Variants in SLC4A3 observed in about 807,000 individuals in gnomAD.
The protein encoded by SLC4A3 is solute carrier family 4 member 3.
SLC4A3 carries 47 observed loss-of-function variants against 114.2 expected under a neutral mutation model. That is an observed-to-expected ratio of 0.41 (90% CI 0.33 to 0.52). SLC4A3 has a LOEUF of 0.52. Ranked by LOEUF, SLC4A3 falls within the 20% of genes least tolerant of loss-of-function variation. The pLI is 0.21. For synonymous variants in SLC4A3, 693 were observed against 710.3 expected, an observed-to-expected ratio of 0.98 and a Z score of 0.39; for missense variants, 1,312 against 1,668.3, an observed-to-expected ratio of 0.79 and a Z score of 3.72.
Position 219,634,474 on chromosome 2 carries a change from C to T in SLC4A3, c.1616C>T (p.Ala539Val). 6.2e-7 allele frequency: 1 copy of T among 1,614,184 alleles called. No homozygotes were observed. The highest frequency in any genetic ancestry group is 8.5e-7 in the Non-Finnish European group (1 of 1,180,036). The change falls in exon 12 of 23, where the codon GCT becomes GTT. Residue 539 changes from alanine to valine, a missense_variant. Transcript: ENST00000358055. ...GCAGCCTTCGTGCGTCTGAATGAGG[C>T]TGTACTCCTGGAGTCTGTGCTTGAG... is the stretch of plus-strand genomic sequence containing the variant. ...PAAAFVRLNE[A>V]VLLESVLEVP... is the part of the protein sequence containing the mutation.
At position 219,631,772 on chromosome 2, in the gene SLC4A3, G is replaced by A. The variant is rs1464625317; in HGVS notation, c.812-196G>A. 6.6e-6 allele frequency among the ~76,000 whole-genome samples: 1 copy of A among 151,968 alleles called. No individual in the cohort carries two copies. Among genetic ancestry groups the A allele is most frequent in the Non-Finnish European group, 1.5e-5 (1 of 67,970 alleles). ...GGCCGGTGGTCCCAGGTGACCATGG[G>A]GAGGTCCTTCCCTCTTTCTGAGCTT... On this transcript the variant is annotated intron_variant, in intron 6 of 22. Coordinates refer to ENST00000358055, the MANE Select transcript of SLC4A3 (RefSeq NM_005070.4). This position sits in a 1 kb window ranked among gnomAD's most constrained non-coding sequence, Gnocchi z 6.3.
chr2:219,627,967 G>C lies in SLC4A3; in HGVS notation c.-26G>C. ...GGGTCTCGGGTCCCCTAGTGAGCGA[G>C]AGCGTCCCCAGCCGCCTACCTGGCC... On this transcript the variant is annotated 5_prime_UTR_variant, in exon 2 of 23. Coordinates refer to ENST00000358055, the MANE Select transcript of SLC4A3 (RefSeq NM_005070.4). 1 of 1,600,476 alleles carries C rather than the reference G, an allele frequency of 6.2e-7. No individual in the cohort carries two copies. The highest frequency in any genetic ancestry group is 8.5e-7 in the Non-Finnish European group (1 of 1,174,262).
intron 5 of SLC4A3, 65 bp downstream of exon 5, chr2:219,629,760 AG>A: frequency 9.5e-7 from 1 of 1,049,510 alleles, no homozygotes; most frequent in Non-Finnish European, 1.4e-6. Context: ...AGCTCCTGGC[AG>A]TCACCTCCTT....
Position 219,629,187 on chromosome 2 carries a change from G to T in SLC4A3, c.261G>T (p.Ala87=), listed in dbSNP as rs750158608. The T allele has an allele frequency of 6.2e-7, 1 of 1,609,836 alleles. No homozygotes were observed. Among genetic ancestry groups the T allele is most frequent in the Non-Finnish European group, 8.5e-7 (1 of 1,178,062 alleles). The change falls in exon 4 of 23, where the codon GCG becomes GCT. Residue 87 remains alanine (A), a synonymous_variant. Coordinates refer to ENST00000358055, the MANE Select transcript of SLC4A3 (RefSeq NM_005070.4). ...ACCACACCCACCACCCGCTCTCAGC[G>T]CGCCTGCCTCCACCCCACAAGCTGC... is the stretch of plus-strand genomic sequence containing the variant. ...TSHHTHHPLS[A]RLPPPHKLRR...
rs1698870918 is a variant in SLC4A3, at chr2:219,630,191, G to A, written c.650G>A (p.Gly217Glu). 6.2e-7 allele frequency: 1 copy of A among 1,612,738 alleles called. No individual in the cohort carries two copies. The highest frequency in any genetic ancestry group is 1.7e-5 in the Admixed American group (1 of 59,896). The change falls in exon 6 of 23, where the codon GGG becomes GAG. Residue 217 changes from glycine to glutamate, a missense_variant. Physicochemically the swap from Gly to Glu is moderately conservative, Grantham distance 98 (BLOSUM62 -2). Transcript: ENST00000358055. This position sits in a 1 kb window ranked among gnomAD's most constrained non-coding sequence, Gnocchi z 6.9. ...CGGGCCCGGGCCTCCCGACTCGCTG[G>A]GGAGAAAAGCCGGCCCTGGAGCCCA... is the stretch of plus-strand genomic sequence containing the variant. ...SPRARASRLA[G>E]EKSRPWSPSA... is the part of the protein sequence containing the mutation.
In SLC4A3 at chr2:219,632,983, C is replaced by T. The variant is rs1209751178; in HGVS notation, c.1251C>T (p.Val417=). ...DQIRPEDRAS[V]LRTLLLKHSH... ...TCCGGCCGGAGGACAGGGCCAGCGT[C>T]CTACGTACCCTGCTACTGAAGCACA... Residue 417 remains valine, a synonymous_variant, in exon 9 of 23, where the codon GTC becomes GTT. Transcript: ENST00000358055. 1 of 1,613,954 alleles carries T rather than the reference C, an allele frequency of 6.2e-7. No individual in the cohort carries two copies. The highest frequency in any genetic ancestry group is 1.7e-5 in the Admixed American group (1 of 60,004).
intron 12 of SLC4A3, 145 bp downstream of exon 12, chr2:219,634,749 G>T: frequency 1.2e-6 from 1 of 862,360 alleles, no homozygotes; most frequent in East Asian, 2.7e-5. Flanking sequence ...GGGGGGAGCT[G>T]TTGGCCCAGG....
rs767909510 is a variant in SLC4A3, at chr2:219,632,943, T to C, written c.1211T>C (p.Ile404Thr). ...GCACACCTCGTGGTGGAGACCATGA[T>C]TGTGTCTGACCAGATCCGGCCGGAG... Reference protein sequence around the residue: ...GIAHLVVETMIVSDQIRPEDR... With the variant: ...GIAHLVVETMTVSDQIRPEDR... The change falls in exon 9 of 23, where the codon ATT (isoleucine) becomes ACT (threonine). Residue 404 changes from isoleucine to threonine, a missense_variant. By Grantham distance (89) the Ile-to-Thr change is moderately conservative (BLOSUM62 -1). Transcript: ENST00000358055. 3.6e-5 allele frequency: 58 copies of C among 1,613,956 alleles called. No homozygotes were observed. The highest frequency in any genetic ancestry group is 4.5e-5 in the Non-Finnish European group (53 of 1,180,022).
In SLC4A3 at chr2:219,641,256, C is replaced by A. The variant is rs888236872; in HGVS notation, c.3621+294C>A. On this transcript the variant is annotated intron_variant, in intron 22 of 22. Coordinates refer to ENST00000358055, the MANE Select transcript of SLC4A3 (RefSeq NM_005070.4). This position sits in a 1 kb window ranked among gnomAD's most constrained non-coding sequence, Gnocchi z 4.0. ...CACAGCTGTGCAGGTGGTGCCTGAC[C>A]AAAAACACCCGGCTGAGAGGCTACA... Among the ~76,000 whole-genome samples the A allele has an allele frequency of 6.6e-6, 1 of 152,090 alleles. No individual in the cohort carries two copies. The highest frequency in any genetic ancestry group is 2.4e-5 in the African/African-American group (1 of 41,392).
At position 219,641,223 on chromosome 2, in the gene SLC4A3, C is replaced by T. The variant is rs892559838; in HGVS notation, c.3621+261C>T. 2.6e-5 allele frequency among the ~76,000 whole-genome samples: 4 copies of T among 152,166 alleles called. No homozygotes were observed. Among genetic ancestry groups the T allele is most frequent in the Non-Finnish European group, 5.9e-5 (4 of 68,042 alleles). On this transcript the variant is annotated intron_variant, in intron 22 of 22. Transcript: ENST00000358055. The surrounding 1 kb of genome is among the most constrained non-coding windows in gnomAD (Gnocchi z 4.0). ...GTTTTGTAAGGGAGTTGGCACGGGG[C>T]TGCTGCACACAGCTGTGCAGGTGGT... is the stretch of plus-strand genomic sequence containing the variant.
chr2:219,628,015 C>T lies in SLC4A3; in HGVS notation c.23C>T (p.Pro8Leu), dbSNP rs897296053. Residue 8 changes from proline to leucine, a missense_variant, in exon 2 of 23, where the codon CCG becomes CTG. Physicochemically the swap from Pro to Leu is moderately conservative, Grantham distance 98 (BLOSUM62 -3). Coordinates refer to ENST00000358055, the MANE Select transcript of SLC4A3 (RefSeq NM_005070.4). This position sits in a 1 kb window ranked among gnomAD's most constrained non-coding sequence, Gnocchi z 4.8. The part of the protein sequence containing the change: MANGVIP[P>L]PGGASPLPQV... ...GCCATGGCCAACGGAGTGATCCCGC[C>T]GCCCGGGGGCGCCTCCCCCCTACCC... The T allele has an allele frequency of 6.3e-7, 1 of 1,588,934 alleles. No homozygotes were observed. The highest frequency in any genetic ancestry group is 1.4e-5 in the African/African-American group (1 of 73,534).
rs770988757 is a variant in SLC4A3 at position 219,639,451 on chromosome 2, C to A, written c.3024-31C>A. ...TTGTCCCCTGCCCCTGCCAGGCCAG[C>A]CACACCCCGCTCCCCACCTTCTCCC... On this transcript the variant is annotated intron_variant, in intron 19 of 22. Coordinates refer to ENST00000358055, the MANE Select transcript of SLC4A3 (RefSeq NM_005070.4). This position sits in a 1 kb window ranked among gnomAD's most constrained non-coding sequence, Gnocchi z 5.9. The A allele has an allele frequency of 1.9e-6, 3 of 1,602,542 alleles. No homozygotes were observed. The Admixed American group carries it at 5.0e-5, about 27-fold the overall frequency.
Position 219,635,848 on chromosome 2 carries a change from C to A in SLC4A3, c.2148C>A (p.Tyr716Ter). ...SQCVAAVLFIYFAALSPAITF... is the reference protein window; with the variant it reads ...SQCVAAVLFI Reference sequence around the variant, plus strand: ...GTGTGGCCGCTGTGCTCTTCATCTACTTCGCAGCCCTCAGCCCTGCCATCA... The same window carrying A: ...GTGTGGCCGCTGTGCTCTTCATCTAATTCGCAGCCCTCAGCCCTGCCATCA... The change falls in exon 14 of 23, where the codon TAC becomes TAA. Residue 716 changes from tyrosine to a stop codon, truncating the protein, a stop_gained. Coordinates refer to ENST00000358055, the MANE Select transcript of SLC4A3 (RefSeq NM_005070.4). LOFTEE classifies it high-confidence loss of function. The A allele has an allele frequency of 6.4e-7, 1 of 1,568,332 alleles. No individual in the cohort carries two copies. Among genetic ancestry groups the A allele is most frequent in the Non-Finnish European group, 8.6e-7 (1 of 1,159,102 alleles).
rs1574647383 is a variant in SLC4A3 at position 219,631,537 on chromosome 2, C to T, written c.812-431C>T. 2 of 1,212,770 alleles carry T rather than the reference C, an allele frequency of 1.6e-6. No individual in the cohort carries two copies. Among genetic ancestry groups the T allele is most frequent in the East Asian group, 5.7e-5 (1 of 17,580 alleles). The allele number at this position is 1,212,770 out of a possible 1,614,324, so 75.1% of individuals were successfully genotyped here. On this transcript the variant is annotated intron_variant, in intron 6 of 22. Transcript: ENST00000358055. This position sits in a 1 kb window ranked among gnomAD's most constrained non-coding sequence, Gnocchi z 6.3. ...CAGGAGGAAGGGAGCGAAGCCCTGC[C>T]TGAGTCTACTGGGCTGTGTACCTTC...
Position 219,631,093 on chromosome 2 carries a change from G to T in SLC4A3, c.811+741G>T. On this transcript the variant is annotated intron_variant, in intron 6 of 22. Coordinates refer to ENST00000358055, the MANE Select transcript of SLC4A3 (RefSeq NM_005070.4). The surrounding 1 kb of genome is among the most constrained non-coding windows in gnomAD (Gnocchi z 6.3). ...GGGGGCTGGATGCCGCAGGGAGCAG[G>T]CTTGTGGACTTGGGGAGTTGGGGTC... 2 of 1,151,522 alleles carry T rather than the reference G, an allele frequency of 1.7e-6. 1 individual carries two copies. Among genetic ancestry groups the T allele is most frequent in the South Asian group, 3.6e-5 (2 of 55,440 alleles). The allele number at this position is 1,151,522 out of a possible 1,614,324, so 71.3% of individuals were successfully genotyped here.
rs764519414 is a variant in SLC4A3 at position 219,633,998 on chromosome 2, CG to C, written c.1561+24del. 3 of 1,537,494 alleles carry C rather than the reference CG, an allele frequency of 2.0e-6. No homozygotes were observed. Among genetic ancestry groups the C allele is most frequent in the African/African-American group, 1.4e-5 (1 of 73,082 alleles). On this transcript the variant is annotated intron_variant, in intron 11 of 22. Transcript: ENST00000358055. ...CTTGTGGGTGAGGAGGGCCGGGCGC[CG>C]GGGGCAGGGTCTGCAGTGTGTGTGT...
Position 219,640,779 on chromosome 2 carries a change from G to A in SLC4A3, c.3448-10G>A, listed in dbSNP as rs756723068. The A allele has an allele frequency of 1.9e-5, 30 of 1,608,242 alleles. No homozygotes were observed. Among genetic ancestry groups the A allele is most frequent in the Non-Finnish European group, 2.5e-5 (30 of 1,177,404 alleles). The stretch of plus-strand genomic sequence containing the variant: ...CGCTGTGCACTGGGGCCCACTGGCT[G>A]CTCCCCTAGGTGAAGACGTGGCGGA... On this transcript the variant is annotated splice_polypyrimidine_tract_variant and intron_variant, in intron 21 of 22. Coordinates refer to ENST00000358055, the MANE Select transcript of SLC4A3 (RefSeq NM_005070.4).
rs985628992 is a variant in SLC4A3, at chr2:219,639,349, G to C, written c.3024-133G>C. The C allele has an allele frequency of 1.9e-6, 2 of 1,071,390 alleles. No homozygotes were observed. Among genetic ancestry groups the C allele is most frequent in the African/African-American group, 3.1e-5 (2 of 63,502 alleles). The allele number at this position is 1,071,390 out of a possible 1,614,324, so 66.4% of individuals were successfully genotyped here. A position where few individuals can be genotyped will look rare whatever the true frequency, so the allele number is the denominator to read the frequency against. On this transcript the variant is annotated intron_variant, in intron 19 of 22. Transcript: ENST00000358055. The surrounding 1 kb of genome is among the most constrained non-coding windows in gnomAD (Gnocchi z 5.9). Reference sequence around the variant, plus strand: ...ACTTCAATTTGGGAACTTGAAAGAAGAAGCTGGCAGTCCTAGGGAGAACTG... The same window carrying C: ...ACTTCAATTTGGGAACTTGAAAGAACAAGCTGGCAGTCCTAGGGAGAACTG...
At position 219,633,092 on chromosome 2, in the gene SLC4A3, C is replaced by T. The variant is rs557376276; in HGVS notation, c.1277+83C>T. 3.1e-5 allele frequency: 47 copies of T among 1,532,224 alleles called. No individual in the cohort carries two copies. In the South Asian group the frequency reaches 5.2e-4, roughly 17 times the overall value. 94.9% of individuals were successfully genotyped at this position (1,532,224 alleles called of 1,614,324 possible). ...CATCCTCTTCCAAGTGGCTCCCAGC[C>T]TCTGCTTGAATGCCACAAGTGACAG... On this transcript the variant is annotated intron_variant, in intron 9 of 22. Transcript: ENST00000358055.
Sources: gnomAD v4.1 joint callset for allele counts (sites outside exome capture counted in the v4.1 genomes callset) on GRCh38, gnomAD v4.1.1 for gene constraint, Gnocchi (gnomAD v3.1) non-coding constraint, MANE v1.5 for transcripts, NCBI Gene and HGNC (gene_info 2026-07-23, HGNC 2026-07-21) for gene names.